The following SPATA6 variants were observed in gnomAD, a reference collection of about 807,000 sequenced individuals.
SPATA6 encodes the protein spermatogenesis associated 6, also known as spermatogenesis-associated protein 6.
In SPATA6, 56 loss-of-function variants were observed where a neutral mutation model predicts 65.3. That is an observed-to-expected ratio of 0.86 (90% CI 0.69 to 1.07). SPATA6 has a LOEUF of 1.07. Among genes scored for constraint, SPATA6 ranks in the 50% least tolerant of loss-of-function variants. SPATA6 has a pLI of 0.00. For missense variants in SPATA6, 590 were observed against 594.8 expected (o/e 0.99, Z 0.08); for synonymous variants, 199 against 213.2 (o/e 0.93, Z 0.58).
intron 9 of SPATA6, among the ~76,000 whole-genome samples, chr1:48,376,924 G>C (rs1317869407): frequency 1.3e-5 from 2 of 152,090 alleles, no homozygotes; most frequent in Non-Finnish European, 2.9e-5. Flanking sequence ...AACAAAAATA[G>C]ACATTATAAT....
intron 11 of SPATA6, among the ~76,000 whole-genome samples, chr1:48,314,509 A>G (rs1180761875): frequency 6.6e-6 from 1 of 152,246 alleles, no homozygotes; most frequent in Non-Finnish European, 1.5e-5. Context: ...CAAAGACACA[A>G]CATACCAGAA....
chr1:48,366,309 A>C (rs1012565333), intron 9 of SPATA6, among the ~76,000 whole-genome samples: 4 of 152,256 alleles, frequency 2.6e-5, no homozygotes, highest in Admixed American at 6.5e-5. Context: ...CTGGCCTCAT[A>C]AAATGAGTTA....
At chr1:48,288,724 A>C in the SPATA6 span, among the ~76,000 whole-genome samples, 1 of 152,194 alleles carries the variant, frequency 6.6e-6, no homozygotes, top group Admixed American at 6.5e-5. Context: ...GGAGGGTCCC[A>C]CACCCACGGA....
downstream of SPATA6, among the ~76,000 whole-genome samples, chr1:48,294,922 C>T (rs999093396): frequency 6.6e-6 from 1 of 152,218 alleles, no homozygotes; most frequent in Non-Finnish European, 1.5e-5. Flanking sequence ...TTTCATCAAG[C>T]TAGAAGGCCT....
At chr1:48,359,481 A>G in intron 10 of SPATA6, 105 bp downstream of exon 10, 1 of 1,309,372 alleles carries the variant, frequency 7.6e-7, no homozygotes, top group African/African-American at 1.5e-5. Context: ...TTTAAAATCA[A>G]ATTACACTTT....
intron 11 of SPATA6, among the ~76,000 whole-genome samples, chr1:48,347,787 G>A (rs1372642943): frequency 6.6e-6 from 1 of 151,676 alleles, no homozygotes; most frequent in East Asian, 1.9e-4. Flanking sequence ...TAGAATTTTG[G>A]CAGACCAAGA....
intron 1 of SPATA6, among the ~76,000 whole-genome samples, chr1:48,461,834 C>A (rs2148187717): frequency 6.6e-6 from 1 of 152,270 alleles, no homozygotes; most frequent in African/African-American, 2.4e-5. Context: ...CCCAGCCATC[C>A]CATTACTGGG....
intron 1 of SPATA6, among the ~76,000 whole-genome samples, chr1:48,461,800 T>C (rs1420418845): frequency 1.3e-5 from 2 of 152,124 alleles, no homozygotes; most frequent in Admixed American, 6.6e-5. Context: ...TCCTCAGGGA[T>C]CTAGAACTAG....
intron 12 of SPATA6, among the ~76,000 whole-genome samples, chr1:48,304,371 A>G (rs1232603971): frequency 2.6e-5 from 4 of 152,220 alleles, no homozygotes; most frequent in Non-Finnish European, 5.9e-5. Context: ...CAAAAGCTTA[A>G]TCAATAACAC....
intron 1 of SPATA6, among the ~76,000 whole-genome samples, chr1:48,469,255 A>T (rs1317310976): frequency 6.6e-6 from 1 of 152,198 alleles, no homozygotes; most frequent in Non-Finnish European, 1.5e-5. Context: ...ACATACATAT[A>T]GACAAATCAA....
intron 1 of SPATA6, among the ~76,000 whole-genome samples, chr1:48,468,210 G>A (rs1001564714): frequency 1.3e-4 from 20 of 152,174 alleles, no homozygotes; most frequent in Non-Finnish European, 2.5e-4. Flanking sequence ...GTGTGTGTGT[G>A]AGGGGGTGTG....
At chr1:48,327,176 C>A (rs552103631) in intron 11 of SPATA6, among the ~76,000 whole-genome samples, 76 of 152,078 alleles carry the variant, frequency 5.0e-4, no homozygotes, top group African/African-American at 1.7e-3. Flanking sequence ...CAATAAAAAA[C>A]CAGGCAAAGG....
At chr1:48,299,443 G>A (rs1466307053) in intron 12 of SPATA6, among the ~76,000 whole-genome samples, 1 of 143,466 alleles carries the variant, frequency 7.0e-6, no homozygotes, top group Non-Finnish European at 1.5e-5. Context: ...GAAACCGGGA[G>A]GCAGAGGTTG....
intron 9 of SPATA6, among the ~76,000 whole-genome samples, chr1:48,369,307 C>T (rs1475417481): frequency 1.3e-5 from 2 of 152,292 alleles, no homozygotes; most frequent in Admixed American, 1.3e-4. Flanking sequence ...GAACCACTAC[C>T]CTCTTCAAAG....
intron 3 of SPATA6, chr1:48,435,850 G>T (rs373094188): frequency 6.8e-4 from 750 of 1,106,266 alleles, no homozygotes; most frequent in South Asian, 1.6e-3. Flanking sequence ...GAAGAGAGTC[G>T]CTGGCCATGG....
the SPATA6 span, among the ~76,000 whole-genome samples, chr1:48,279,767 G>C: frequency 6.6e-6 from 1 of 152,148 alleles, no homozygotes; most frequent in Non-Finnish European, 1.5e-5. Flanking sequence ...ACATTAGACA[G>C]ATCAACGAGA....
the SPATA6 span, among the ~76,000 whole-genome samples, chr1:48,279,252 G>A: frequency 1.3e-5 from 2 of 152,136 alleles, no homozygotes; most frequent in African/African-American, 2.4e-5. Context: ...GACCATCGAG[G>A]CTAGGAAGAA....
In SPATA6 at chr1:48,411,563, G is replaced by A. The variant is rs766541592; in HGVS notation, c.306C>T (p.Asp102=). The part of the protein sequence containing the change: ...PPVGETLSTY[D]ENTRDFMFPG... The stretch of plus-strand genomic sequence containing the variant: ...GAAACATGAAATCTCGTGTATTTTC[G>A]TCATACGTAGACAGTGTTTCACCCA... Residue 102 remains aspartate, a synonymous_variant, in exon 5 of 13, where the codon GAC becomes GAT. Coordinates refer to ENST00000371847, the MANE Select transcript of SPATA6 (RefSeq NM_019073.4). The A allele has an allele frequency of 2.8e-5, 45 of 1,608,314 alleles. No homozygotes were observed. Among genetic ancestry groups the A allele is most frequent in the South Asian group, 8.9e-5 (8 of 89,512 alleles).
intron 1 of SPATA6, among the ~76,000 whole-genome samples, chr1:48,465,379 A>G (rs1657736038): frequency 6.6e-6 from 1 of 152,142 alleles, no homozygotes; most frequent in Non-Finnish European, 1.5e-5. Context: ...GTTTTAAGCA[A>G]CTACGTTTGT....
Sources: gnomAD v4.1 joint callset for allele counts (sites outside exome capture counted in the v4.1 genomes callset) on GRCh38, gnomAD v4.1.1 for gene constraint, MANE v1.5 for transcripts, NCBI Gene and HGNC (gene_info 2026-07-23, HGNC 2026-07-21) for gene names.